The following EFCAB5 variants were observed in gnomAD, a reference collection of about 807,000 sequenced individuals.
EFCAB5 encodes EF-hand calcium binding domain 5.
EFCAB5 carries 131 observed loss-of-function variants against 167.9 expected under a neutral mutation model. The ratio of observed to expected loss-of-function variants is 0.78; its 90% CI spans 0.68 to 0.90. EFCAB5 has a LOEUF of 0.90. Ranked by LOEUF, EFCAB5 falls within the 40% of genes least tolerant of loss-of-function variation. The probability of loss-of-function intolerance (pLI) is 0.00; values close to 1 mark genes in which losing one functional copy is unlikely to be tolerated. For missense variants in EFCAB5, 1,663 were observed against 1,745.2 expected (o/e 0.95, Z 0.84); for synonymous variants, 574 against 602.8 (o/e 0.95, Z 0.70).
chr17:30,013,230 T>C (rs7219337), intron 7 of EFCAB5, among the ~76,000 whole-genome samples: 14,664 of 151,996 alleles, frequency 0.096, 1,619 homozygotes, highest in African/African-American at 0.27. Context: ...ATTTTCGCAT[T>C]GATGTTCATC....
intron 3 of EFCAB5, among the ~76,000 whole-genome samples, chr17:29,945,863 A>G (rs1220623890): frequency 1.3e-5 from 2 of 152,190 alleles, no homozygotes; most frequent in Non-Finnish European, 2.9e-5. Flanking sequence ...ACTTAAATCT[A>G]AGACCTGAAA....
chr17:29,970,003 G>A (rs1329025662), intron 4 of EFCAB5, among the ~76,000 whole-genome samples: 2 of 151,638 alleles, frequency 1.3e-5, no homozygotes, highest in Non-Finnish European at 2.9e-5. Context: ...TATGGCATCA[G>A]GATTTTGAGG....
intron 8 of EFCAB5, among the ~76,000 whole-genome samples, chr17:30,041,878 T>G (rs142900300): frequency 2.0e-4 from 31 of 152,342 alleles, no homozygotes; most frequent in South Asian, 4.1e-4. Flanking sequence ...CAGATGATCA[T>G]TAGCATTTTT....
At chr17:29,948,333 A>T (rs999339355) in intron 3 of EFCAB5, among the ~76,000 whole-genome samples, 1 of 152,024 alleles carries the variant, frequency 6.6e-6, no homozygotes, top group African/African-American at 2.4e-5. Context: ...TCTACTTTCA[A>T]TTTCTCTTAT....
chr17:30,040,940 T>C (rs2069753301), intron 8 of EFCAB5, among the ~76,000 whole-genome samples: 1 of 152,236 alleles, frequency 6.6e-6, no homozygotes, highest in Non-Finnish European at 1.5e-5. Flanking sequence ...TCATTCTCTG[T>C]TCTTCCCTGC....
chr17:30,055,320 GAGAGGA>G (rs1567745966), intron 10 of EFCAB5, among the ~76,000 whole-genome samples: 2 of 131,634 alleles, frequency 1.5e-5, no homozygotes, highest in African/African-American at 2.9e-5. Flanking sequence ...AAGAGAGAGA[GAGAGGA>G]AGGAAGGAAG....
intron 18 of EFCAB5, among the ~76,000 whole-genome samples, chr17:30,086,275 C>T (rs556144834): frequency 2.0e-4 from 30 of 151,936 alleles, no homozygotes; most frequent in Admixed American, 9.8e-4. Context: ...CTAGTTTCTA[C>T]GAAAAAATAT....
chr17:30,069,724 G>A (rs1478006816), intron 14 of EFCAB5: 5 of 959,338 alleles, frequency 5.2e-6, no homozygotes, highest in African/African-American at 3.3e-5. Context: ...ATGTACCCCC[G>A]GTGCTGGAGC....
intron 9 of EFCAB5, among the ~76,000 whole-genome samples, chr17:30,052,638 A>G (rs2070134997): frequency 6.6e-6 from 1 of 152,192 alleles, no homozygotes; most frequent in Non-Finnish European, 1.5e-5. Context: ...TCCACTCTTT[A>G]TAGTACAGAC....
intron 18 of EFCAB5, 91 bp downstream of exon 18, chr17:30,083,134 G>A (rs2071023304): frequency 7.0e-7 from 1 of 1,430,088 alleles, no homozygotes; most frequent in Admixed American, 2.6e-5. Flanking sequence ...ATATTAATTA[G>A]CTATTAGTCT....
intron 6 of EFCAB5, among the ~76,000 whole-genome samples, chr17:29,999,473 T>C (rs1256334528): frequency 6.6e-6 from 1 of 152,150 alleles, no homozygotes; most frequent in Non-Finnish European, 1.5e-5. Flanking sequence ...ATTTTTGTAT[T>C]ATTTGAATTT....
intron 18 of EFCAB5, among the ~76,000 whole-genome samples, chr17:30,086,169 A>G (rs1597554477): frequency 6.6e-6 from 1 of 152,058 alleles, no homozygotes; most frequent in East Asian, 1.9e-4. Flanking sequence ...TTTTAAAGGA[A>G]TGATTCATAA....
upstream of EFCAB5, among the ~76,000 whole-genome samples, chr17:29,936,829 A>C (rs1438604163): frequency 1.3e-5 from 2 of 152,244 alleles, no homozygotes; most frequent in South Asian, 4.1e-4. Context: ...GGAAGTCAAG[A>C]TGCTCAATAT....
At chr17:29,970,935 C>T (rs181710030) in intron 4 of EFCAB5, among the ~76,000 whole-genome samples, 3 of 151,990 alleles carry the variant, frequency 2.0e-5, no homozygotes. Context: ...ATTAGCCCAG[C>T]GTGGTGATGC....
chr17:30,030,612 G>C (rs932427567), intron 7 of EFCAB5, among the ~76,000 whole-genome samples: 5 of 152,052 alleles, frequency 3.3e-5, no homozygotes, highest in African/African-American at 1.2e-4. Flanking sequence ...CAAGTGCTGG[G>C]ATTACAGGCG....
At chr17:30,037,966 T>G (rs1212680596) in intron 8 of EFCAB5, among the ~76,000 whole-genome samples, 2 of 151,854 alleles carry the variant, frequency 1.3e-5, no homozygotes, top group Non-Finnish European at 2.9e-5. Context: ...AAAGGAAGAG[T>G]CACATATCTC....
chr17:30,050,980 G>A (rs1001950995), intron 8 of EFCAB5, 138 bp from the exon 9 acceptor site: 41 of 678,882 alleles, frequency 6.0e-5, no homozygotes, highest in Non-Finnish European at 1.0e-4. Flanking sequence ...TCTTGATTTT[G>A]ATGCTGCAGC....
chr17:30,038,743 C>A (rs2069690497), intron 8 of EFCAB5, among the ~76,000 whole-genome samples: 1 of 152,214 alleles, frequency 6.6e-6, no homozygotes, highest in Admixed American at 6.5e-5. Context: ...ATCCTTTCTG[C>A]AGAAAGTAAA....
chr17:29,994,747 ATAC>A (rs1329569979), intron 5 of EFCAB5, among the ~76,000 whole-genome samples: 1 of 152,108 alleles, frequency 6.6e-6, no homozygotes, highest in African/African-American at 2.4e-5. Flanking sequence ...CCTGTCTCAA[ATAC>A]TATCTTGGTG....
Sources: gnomAD v4.1 joint callset for allele counts (sites outside exome capture counted in the v4.1 genomes callset) on GRCh38, gnomAD v4.1.1 for gene constraint, MANE v1.5 for transcripts, NCBI Gene and HGNC (gene_info 2026-07-23, HGNC 2026-07-21) for gene names.